Variants in PRRC2B observed in about 807,000 individuals in gnomAD.
The protein encoded by PRRC2B is protein PRRC2B.
PRRC2B carries 68 observed loss-of-function variants against 242.3 expected under a neutral mutation model. The observed-to-expected ratio is 0.28, with a 90% CI of 0.23 to 0.34. The LOEUF (loss-of-function observed/expected upper bound fraction) is 0.34, where lower values mean the gene tolerates loss of function less well. PRRC2B is among the 10% of genes least tolerant of loss of function. The pLI, the probability that PRRC2B is intolerant of heterozygous loss-of-function variation, is 1.00. For synonymous variants in PRRC2B, 1,228 were observed against 1,173.6 expected, an observed-to-expected ratio of 1.05 and a Z score of -0.95; for missense variants, 2,835 against 2,954.8, an observed-to-expected ratio of 0.96 and a Z score of 0.94.
rs774345551 is a variant in PRRC2B, at chr9:131,430,196, T to A, written c.52T>A (p.Tyr18Asn). Residue 18 changes from tyrosine to asparagine, a missense_variant, in exon 2 of 32, where the codon TAC (tyrosine) becomes AAC (asparagine). By Grantham distance (143) the Tyr-to-Asn change is moderately radical (BLOSUM62 -2). This residue lies in a region of PRRC2B where 626 missense variants were observed against 685.5 expected (regional missense o/e 0.91). Transcript: ENST00000683519. ...ITKGKDGKSK[Y>N]STLSLFDKYK... Reference sequence around the variant, plus strand: ...CAAGGGCAAGGATGGGAAAAGCAAGTACTCGACTCTCAGCCTGTTTGATAA... The same window carrying A: ...CAAGGGCAAGGATGGGAAAAGCAAGAACTCGACTCTCAGCCTGTTTGATAA... 19 of 1,608,326 alleles carry A rather than the reference T, an allele frequency of 1.2e-5. No homozygotes were observed. The highest frequency in any genetic ancestry group is 1.6e-5 in the Non-Finnish European group (19 of 1,177,514).
chr9:131,476,379 C>G lies in PRRC2B; in HGVS notation c.4250C>G (p.Ala1417Gly). 6.2e-7 allele frequency: 1 copy of G among 1,601,828 alleles called. No individual in the cohort carries two copies. Among genetic ancestry groups the G allele is most frequent in the African/African-American group, 1.3e-5 (1 of 74,808 alleles). The change falls in exon 16 of 32, where the codon GCC becomes GGC. Residue 1417 changes from alanine to glycine, a missense_variant. By Grantham distance (60) the Ala-to-Gly change is moderately conservative. This residue lies in a region of PRRC2B where 1,536 missense variants were observed against 1,483.1 expected (regional missense o/e 1.04). Coordinates refer to ENST00000683519, the MANE Select transcript of PRRC2B (RefSeq NM_013318.4). The part of the protein sequence containing the change: ...GASLGEKKEL[A>G]KRSFSSQRPV... ...AGTTTGGGTGAGAAGAAGGAGCTGG[C>G]CAAGAGGAGCTTCTCCAGTCAGAGA...
rs376779543 is a variant in PRRC2B, at chr9:131,476,189, G to A, written c.4060G>A (p.Val1354Met). 1.5e-5 allele frequency: 25 copies of A among 1,613,434 alleles called. No homozygotes were observed. In the African/African-American group the frequency reaches 2.9e-4, roughly 19 times the overall value. The change falls in exon 16 of 32, where the codon GTG becomes ATG. Residue 1354 changes from valine (V) to methionine (M), a missense_variant. By Grantham distance (21) the Val-to-Met change is conservative (BLOSUM62 1). This residue lies in a region of PRRC2B where 1,536 missense variants were observed against 1,483.1 expected (regional missense o/e 1.04). Transcript: ENST00000683519. ...KLCSGDKSGT[V>M]GRRSPELSYQ... Reference sequence around the variant, plus strand: ...GTGTTCTGGGGACAAGAGTGGCACTGTGGGCCGCAGGTCCCCTGAGCTCTC... The same window carrying A: ...GTGTTCTGGGGACAAGAGTGGCACTATGGGCCGCAGGTCCCCTGAGCTCTC...
chr9:131,473,528 C>A lies in PRRC2B; in HGVS notation c.2128C>A (p.Pro710Thr). ...HPSGLMKPMM[P>T]QESLNGTGCR... is the part of the protein sequence containing the mutation. ...TTCAGGACTGATGAAGCCCATGATG[C>A]CCCAGGAGTCCCTCAATGGGACAGG... Residue 710 changes from proline to threonine, a missense_variant, in exon 15 of 32, where the codon CCC (proline) becomes ACC (threonine). By Grantham distance (38) the Pro-to-Thr change is conservative. Transcript: ENST00000683519. 1 of 1,603,360 alleles carries A rather than the reference C, an allele frequency of 6.2e-7. No homozygotes were observed. The highest frequency in any genetic ancestry group is 1.1e-5 in the South Asian group (1 of 88,970).
In PRRC2B at chr9:131,446,386, C is replaced by T. The variant is rs76920830; in HGVS notation, c.614-15C>T. 3,475 of 1,613,326 alleles carry T rather than the reference C, an allele frequency of 2.2e-3. 66 individuals are homozygous for T. The African/African-American group carries it at 0.039, about 18-fold the overall frequency. On this transcript the variant is annotated splice_polypyrimidine_tract_variant and intron_variant, in intron 6 of 31. Transcript: ENST00000683519. The surrounding 1 kb of genome is among the most constrained non-coding windows in gnomAD (Gnocchi z 4.1). Reference sequence around the variant, plus strand: ...TCCTCTTCCCTCTCCCCTTTTGCCCCCTTTCAATTTCCAGATGTGACAAGC... The same window carrying T: ...TCCTCTTCCCTCTCCCCTTTTGCCCTCTTTCAATTTCCAGATGTGACAAGC...
At chr9:131,471,058 T>A in intron 14 of PRRC2B, 75 bp downstream of exon 14, 1 of 1,074,632 alleles carries the variant, frequency 9.3e-7, no homozygotes. Context: ...CCTCTCGAGT[T>A]AAACAGATAC....
chr9:131,445,286 G>A (rs764722585), intron 6 of PRRC2B, among the ~76,000 whole-genome samples: 21 of 151,968 alleles, frequency 1.4e-4, no homozygotes, highest in Non-Finnish European at 2.8e-4. Flanking sequence ...TCAGGCTCCC[G>A]AGTAGCTGGG....
chr9:131,413,785 C>T (rs1226943937), intron 1 of PRRC2B, among the ~76,000 whole-genome samples: 1 of 152,186 alleles, frequency 6.6e-6, no homozygotes, highest in African/African-American at 2.4e-5. Flanking sequence ...GATTCTTCGG[C>T]CTCAGCCTCC....
intron 1 of PRRC2B, among the ~76,000 whole-genome samples, chr9:131,375,804 G>A (rs2966331): frequency 0.26 from 39,557 of 151,948 alleles, 5,393 homozygotes; most frequent in South Asian, 0.31. Context: ...CTAGGTGGGC[G>A]GATCACCTGA....
intron 9 of PRRC2B, among the ~76,000 whole-genome samples, chr9:131,453,992 C>T (rs960217688): frequency 2.0e-5 from 3 of 152,162 alleles, no homozygotes; most frequent in African/African-American, 7.2e-5. Context: ...ATGTTTCCAT[C>T]ACTCAAAAAA....
chr9:131,493,042 TCCCCAC>T (rs1161123199), intron 30 of PRRC2B, among the ~76,000 whole-genome samples: 1 of 152,104 alleles, frequency 6.6e-6, no homozygotes, highest in African/African-American at 2.4e-5. Flanking sequence ...CCATGAGGTA[TCCCCAC>T]GACTACACAG....
At chr9:131,457,794 C>G (rs1943125525) in intron 10 of PRRC2B, among the ~76,000 whole-genome samples, 1 of 152,134 alleles carries the variant, frequency 6.6e-6, no homozygotes, top group Admixed American at 6.5e-5. Context: ...TTACTGTGGT[C>G]TCCATTTCTG....
intron 31 of PRRC2B, among the ~76,000 whole-genome samples, chr9:131,495,402 G>A (rs1588286829): frequency 1.3e-5 from 2 of 152,294 alleles, no homozygotes; most frequent in East Asian, 3.9e-4. Flanking sequence ...TGGGGCAGGA[G>A]GTGCACTGAT....
Position 131,482,615 on chromosome 9 carries a change from C to T in PRRC2B, c.5175+53C>T, listed in dbSNP as rs975468898. 25 of 1,533,786 alleles carry T rather than the reference C, an allele frequency of 1.6e-5. No individual in the cohort carries two copies. Among genetic ancestry groups the T allele is most frequent in the African/African-American group, 8.3e-5 (6 of 72,318 alleles). Reference sequence around the variant, plus strand: ...CCAGGGCCTGGGTGGAAGGGGCCATCGTCTCATCATCTTCCTCAATTCCTG... The same window carrying T: ...CCAGGGCCTGGGTGGAAGGGGCCATTGTCTCATCATCTTCCTCAATTCCTG... On this transcript the variant is annotated intron_variant, in intron 21 of 31. Coordinates refer to ENST00000683519, the MANE Select transcript of PRRC2B (RefSeq NM_013318.4). This position sits in a 1 kb window ranked among gnomAD's most constrained non-coding sequence, Gnocchi z 5.2.
intron 1 of PRRC2B, among the ~76,000 whole-genome samples, chr9:131,421,013 C>A (rs1336103332): frequency 6.6e-6 from 1 of 152,198 alleles, no homozygotes; most frequent in Non-Finnish European, 1.5e-5. Flanking sequence ...TGCAGCCCAC[C>A]TCCTGTTTTT....
intron 10 of PRRC2B, among the ~76,000 whole-genome samples, chr9:131,456,211 CTTTTTTTT>C (rs59184650): frequency 4.3e-5 from 6 of 138,966 alleles, no homozygotes; most frequent in African/African-American, 1.3e-4. Flanking sequence ...AATTTTGTCT[CTTTTTTTT>C]TTTTTTTTTT....
chr9:131,459,477 G>GT (rs961765135), intron 11 of PRRC2B, 121 bp downstream of exon 11: 4 of 928,952 alleles, frequency 4.3e-6, no homozygotes, highest in Middle Eastern at 3.3e-4. Flanking sequence ...TTGTTAAAAT[G>GT]TTTTTTCATA....
At chr9:131,439,303 T>A (rs1305538065) in intron 5 of PRRC2B, among the ~76,000 whole-genome samples, 1 of 152,188 alleles carries the variant, frequency 6.6e-6, no homozygotes, top group Non-Finnish European at 1.5e-5. Flanking sequence ...TGGGCTGTGC[T>A]GCTGGTGATT....
intron 15 of PRRC2B, 125 bp from the exon 16 acceptor site, chr9:131,474,329 T>G: frequency 1.2e-6 from 1 of 835,496 alleles, no homozygotes; most frequent in Non-Finnish European, 1.8e-6. Context: ...TTTCTAGCTT[T>G]CTTTTTAAAA....
chr9:131,445,351 G>T (rs1394559052), intron 6 of PRRC2B, among the ~76,000 whole-genome samples: 1 of 152,100 alleles, frequency 6.6e-6, no homozygotes, highest in African/African-American at 2.4e-5. Context: ...GTAGAGGCGG[G>T]TTTCTCCATG....
Sources: gnomAD v4.1 joint callset for allele counts (sites outside exome capture counted in the v4.1 genomes callset) on GRCh38, gnomAD v4.1.1 for gene constraint, gnomAD v4.1.1 regional missense constraint, Gnocchi (gnomAD v3.1) non-coding constraint, MANE v1.5 for transcripts, NCBI Gene and HGNC (gene_info 2026-07-23, HGNC 2026-07-21) for gene names.